SLC30A5: variants seen among roughly 807,000 people sequenced by gnomAD.
SLC30A5 encodes the protein proton-coupled zinc antiporter SLC30A5.
Under a neutral mutation model 79.6 loss-of-function variants are expected in SLC30A5, and 33 were observed. The ratio of observed to expected loss-of-function variants is 0.41; its 90% confidence interval spans 0.31 to 0.55. The LOEUF (loss-of-function observed/expected upper bound fraction) is 0.55, where lower values mean the gene tolerates loss of function less well. Ranked by LOEUF, SLC30A5 falls within the 20% of genes least tolerant of loss-of-function variation. The probability of loss-of-function intolerance (pLI) is 0.20; values close to 1 mark genes in which losing one functional copy is unlikely to be tolerated. For missense variants in SLC30A5, 788 were observed against 928.1 expected, an observed-to-expected ratio of 0.85 and a Z score of 1.96; for synonymous variants, 299 against 319.7, an observed-to-expected ratio of 0.94 and a Z score of 0.69.
In SLC30A5 at chr5:69,104,060, G is replaced by T. The variant is rs1157800824; in HGVS notation, c.274-571G>T. On this transcript the variant is annotated intron_variant, in intron 3 of 15. Coordinates refer to ENST00000396591, the MANE Select transcript of SLC30A5 (RefSeq NM_022902.5). ...TGGGAAACTGAGAAATCATAAAATT[G>T]TACTCTGAAGAAAAAGATTTCAAAA... 3.2e-6 allele frequency: 5 copies of T among 1,544,602 alleles called. No individual in the cohort carries two copies. In the South Asian group the frequency reaches 6.1e-5, roughly 19 times the overall value.
In SLC30A5 at chr5:69,123,326, A is replaced by G. The variant is rs1746586042; in HGVS notation, c.1899A>G (p.Ile633Met). The change falls in exon 14 of 16, where the codon ATA becomes ATG. Residue 633 changes from isoleucine to methionine, a missense_variant. By Grantham distance (10) the Ile-to-Met change is conservative. This residue lies in a region of SLC30A5 where 4 missense variants were observed against 16.4 expected (regional missense o/e 0.24). Transcript: ENST00000396591. ...PLCSLFIAIL[I>M]FLSVVPLIKD... Reference sequence around the variant, plus strand: ...GTTCTCTTTTTATTGCTATATTAATATTTCTCAGTGTTGTTCCACTGATTA... The same window carrying G: ...GTTCTCTTTTTATTGCTATATTAATGTTTCTCAGTGTTGTTCCACTGATTA... The G allele has an allele frequency of 6.2e-7, 1 of 1,613,766 alleles. No individual in the cohort carries two copies. The highest frequency in any genetic ancestry group is 8.5e-7 in the Non-Finnish European group (1 of 1,179,840).
chr5:69,105,176 C>T (rs1382688545), intron 4 of SLC30A5, among the ~76,000 whole-genome samples: 1 of 152,034 alleles, frequency 6.6e-6, no homozygotes, highest in East Asian at 1.9e-4. Context: ...AGATTAAATG[C>T]GTGGTGGATA....
intron 12 of SLC30A5, among the ~76,000 whole-genome samples, chr5:69,121,472 C>T (rs1246351668): frequency 2.6e-5 from 4 of 152,068 alleles, no homozygotes; most frequent in Non-Finnish European, 5.9e-5. Context: ...AATTCCTCTA[C>T]TTACCAATTC....
intron 14 of SLC30A5, 123 bp from the exon 15 acceptor site, chr5:69,127,881 A>T (rs958070312): frequency 4.1e-6 from 3 of 740,366 alleles, no homozygotes. Context: ...TTTGTATTTT[A>T]AAGAGCTTAA....
At chr5:69,125,959 G>A (rs1746677574) in intron 14 of SLC30A5, among the ~76,000 whole-genome samples, 2 of 150,578 alleles carry the variant, frequency 1.3e-5, no homozygotes, top group South Asian at 4.2e-4. Context: ...TGAAGCATGA[G>A]AATCACTTCA....
At chr5:69,105,493 G>T (rs1269804364) in intron 4 of SLC30A5, among the ~76,000 whole-genome samples, 1 of 152,112 alleles carries the variant, frequency 6.6e-6, no homozygotes, top group African/African-American at 2.4e-5. Context: ...ATCATTTGAA[G>T]TTACGAGTTG....
rs75630612 is a variant in SLC30A5, at chr5:69,123,149, T to C, written c.1772-50T>C. Reference sequence around the variant, plus strand: ...ATATTAGTAGAATGTATTAAAAAACTAAATTAGATGTGCCTTAATTTTTAA... The same window carrying C: ...ATATTAGTAGAATGTATTAAAAAACCAAATTAGATGTGCCTTAATTTTTAA... On this transcript the variant is annotated intron_variant, in intron 13 of 15. Transcript: ENST00000396591. 7 of 1,333,198 alleles carry C rather than the reference T, an allele frequency of 5.3e-6. No homozygotes were observed. The African/African-American group carries it at 8.8e-5, about 17-fold the overall frequency. 82.6% of individuals were successfully genotyped at this position (1,333,198 alleles called of 1,614,324 possible).
chr5:69,111,009 T>C (rs1746215163), intron 5 of SLC30A5, among the ~76,000 whole-genome samples: 1 of 151,896 alleles, frequency 6.6e-6, no homozygotes, highest in African/African-American at 2.4e-5. Context: ...TTTTTTTTTT[T>C]TTGAGATGGA....
intron 14 of SLC30A5, among the ~76,000 whole-genome samples, chr5:69,124,005 CGGGAGGCT>C (rs1561298911): frequency 2.0e-5 from 3 of 148,830 alleles, no homozygotes; most frequent in Non-Finnish European, 1.5e-5. Context: ...CCCAGCTACT[CGGGAGGCT>C]GAGGCAGGAG....
rs183499227 is a variant in SLC30A5, at chr5:69,113,275, T to G, written c.535+48T>G. The G allele has an allele frequency of 5.2e-4, 725 of 1,397,918 alleles. 3 individuals carry two copies. The highest frequency in any genetic ancestry group is 3.2e-3 in the South Asian group (262 of 81,820). The allele number at this position is 1,397,918 out of a possible 1,614,324, so 86.6% of individuals were successfully genotyped here. On this transcript the variant is annotated intron_variant, in intron 6 of 15. Transcript: ENST00000396591. ...AGTTGTTTCAAGTCTTGAGGAAAAC[T>G]AGAAGCCTGGAACAATGGAAAAAGA...
intron 3 of SLC30A5, 120 bp from the exon 4 acceptor site, chr5:69,104,511 T>C: frequency 2.9e-6 from 4 of 1,391,610 alleles, no homozygotes; most frequent in Non-Finnish European, 3.7e-6. Context: ...TTACAAAATA[T>C]GTAATGATTT....
intron 5 of SLC30A5, among the ~76,000 whole-genome samples, chr5:69,112,369 G>A (rs1023922825): frequency 1.3e-5 from 2 of 151,816 alleles, no homozygotes; most frequent in Non-Finnish European, 2.9e-5. Context: ...TACATAAACC[G>A]AGCTAATATG....
intron 15 of SLC30A5, among the ~76,000 whole-genome samples, chr5:69,129,186 C>T (rs1343216541): frequency 6.6e-6 from 1 of 152,024 alleles, no homozygotes; most frequent in Non-Finnish European, 1.5e-5. Context: ...TTTCGATTTG[C>T]GATTTTATTT....
At chr5:69,118,733 T>C in intron 12 of SLC30A5, 105 bp downstream of exon 12, 2 of 905,412 alleles carry the variant, frequency 2.2e-6, no homozygotes, top group Non-Finnish European at 3.2e-6. Flanking sequence ...AGGTTTTATT[T>C]TTTACTTATA....
At chr5:69,117,108 G>C in intron 10 of SLC30A5, 131 bp from the exon 11 acceptor site, 1 of 653,790 alleles carries the variant, frequency 1.5e-6, no homozygotes, top group South Asian at 2.6e-5. Context: ...GGTTTCTAAT[G>C]TAAGTGGCAG....
chr5:69,112,058 G>C (rs183203386), intron 5 of SLC30A5, among the ~76,000 whole-genome samples: 377 of 152,212 alleles, frequency 2.5e-3, no homozygotes, highest in African/African-American at 8.8e-3. Flanking sequence ...CTAGGACTTT[G>C]GGAGACCGAG....
At position 69,116,152 on chromosome 5, in the gene SLC30A5, A is replaced by T; in HGVS notation, c.1010A>T (p.Gln337Leu). The T allele has an allele frequency of 1.9e-6, 3 of 1,614,224 alleles. No individual in the cohort carries two copies. The highest frequency in any genetic ancestry group is 2.5e-6 in the Non-Finnish European group (3 of 1,180,042). ...QLRAMNKAAH[Q>L]ESTEHVLSGG... ...CGGGCTATGAACAAAGCAGCACACC[A>T]GGAGAGCACTGAACACGTCCTGTCT... Residue 337 changes from glutamine (Q) to leucine (L), a missense_variant, in exon 9 of 16, where the codon CAG (glutamine) becomes CTG (leucine). Transcript: ENST00000396591. This position sits in a 1 kb window ranked among gnomAD's most constrained non-coding sequence, Gnocchi z 4.0.
chr5:69,104,995 A>G (rs1207494023), intron 4 of SLC30A5, among the ~76,000 whole-genome samples: 1 of 152,206 alleles, frequency 6.6e-6, no homozygotes, highest in Admixed American at 6.5e-5. Context: ...CTTTTTAATC[A>G]TTTATTCATG....
chr5:69,126,834 T>A (rs1746709499), intron 14 of SLC30A5, among the ~76,000 whole-genome samples: 1 of 149,356 alleles, frequency 6.7e-6, no homozygotes. Context: ...TGTATATATA[T>A]CCATTGCAGA....
Sources: gnomAD v4.1 joint callset for allele counts (sites outside exome capture counted in the v4.1 genomes callset) on GRCh38, gnomAD v4.1.1 for gene constraint, gnomAD v4.1.1 regional missense constraint, Gnocchi (gnomAD v3.1) non-coding constraint, MANE v1.5 for transcripts, NCBI Gene and HGNC (gene_info 2026-07-23, HGNC 2026-07-21) for gene names.